EVA1A: variants seen among roughly 807,000 people sequenced by gnomAD.
EVA1A encodes protein eva-1 homolog A.
EVA1A carries 7 observed loss-of-function variants against 9.8 expected under a neutral mutation model. That is an observed-to-expected ratio of 0.71 (90% CI 0.41 to 1.34). EVA1A has a LOEUF of 1.34. Among genes scored for constraint, EVA1A ranks in the 40% most tolerant of loss-of-function variants. The probability of loss-of-function intolerance (pLI) is 0.01; values close to 1 mark genes in which losing one functional copy is unlikely to be tolerated. For missense variants in EVA1A, 206 were observed against 205.9 expected (o/e 1.00, Z 0.00); for synonymous variants, 90 against 85.6 (o/e 1.05, Z -0.28).
chr2:75,500,059 A>C (rs1558670532), intron 3 of EVA1A, among the ~76,000 whole-genome samples: 2 of 152,264 alleles, frequency 1.3e-5, no homozygotes, highest in East Asian at 3.9e-4. Context: ...CATTTCGCTA[A>C]AGTCAAACCC....
intron 1 of EVA1A, among the ~76,000 whole-genome samples, chr2:75,552,337 A>G (rs1572991632): frequency 6.6e-6 from 1 of 152,146 alleles, no homozygotes; most frequent in Non-Finnish European, 1.5e-5. Flanking sequence ...CATCCTTCCT[A>G]TAAATGCTGC....
intron 2 of EVA1A, among the ~76,000 whole-genome samples, chr2:75,521,944 T>C (rs185646871): frequency 6.6e-6 from 1 of 152,322 alleles, no homozygotes; most frequent in East Asian, 1.9e-4. Flanking sequence ...TTAATAAGAA[T>C]GATGGCAGAG....
intron 1 of EVA1A, among the ~76,000 whole-genome samples, chr2:75,560,435 AGGGGGGGC>A (rs913027985): frequency 2.6e-5 from 4 of 152,064 alleles, no homozygotes; most frequent in African/African-American, 9.7e-5. Context: ...AGAAAGAAGC[AGGGGGGGC>A]GAGAGAAGAA....
chr2:75,493,213 G>A lies in EVA1A; in HGVS notation c.*23C>T, dbSNP rs758660841. ...CTCTCCTTTCCAGGCGGCCTCCAGT[G>A]GTTTCCGGGGTCCTGCTGCTCCCTA... On this transcript the variant is annotated 3_prime_UTR_variant, in exon 4 of 4. Coordinates refer to ENST00000393913, the MANE Select transcript of EVA1A (RefSeq NM_001135032.2). The A allele has an allele frequency of 1.3e-6, 2 of 1,588,686 alleles. No individual in the cohort carries two copies. Among genetic ancestry groups the A allele is most frequent in the Admixed American group, 1.7e-5 (1 of 58,162 alleles).
At chr2:75,554,139 C>A (rs1676620198) in intron 1 of EVA1A, among the ~76,000 whole-genome samples, 1 of 152,150 alleles carries the variant, frequency 6.6e-6, no homozygotes, top group Non-Finnish European at 1.5e-5. Context: ...GAAACAAGAT[C>A]CCCTGAAGTC....
chr2:75,561,954 C>G (rs1676934303), upstream of EVA1A, among the ~76,000 whole-genome samples: 1 of 152,112 alleles, frequency 6.6e-6, no homozygotes, highest in Non-Finnish European at 1.5e-5. Flanking sequence ...GCTAGAGTAG[C>G]CAGTGACCAC....
chr2:75,536,724 A>G (rs1448681513), intron 1 of EVA1A, among the ~76,000 whole-genome samples: 1 of 152,200 alleles, frequency 6.6e-6, no homozygotes, highest in Non-Finnish European at 1.5e-5. Context: ...CAGTTCCTTG[A>G]AAAACACAAA....
intron 1 of EVA1A, among the ~76,000 whole-genome samples, chr2:75,537,852 T>G (rs1280032224): frequency 2.0e-5 from 3 of 152,212 alleles, no homozygotes; most frequent in African/African-American, 7.2e-5. Flanking sequence ...GAGTAAAAGC[T>G]TCCTGAGGCC....
In EVA1A at chr2:75,537,088, G is replaced by A. The variant is rs182362350; in HGVS notation, c.-191-14601C>T. ...ATATTAGCAAGTAGAATTCAGGAAC[G>A]TATAAAAAGGATTTTTTTTCGTAAT... is the stretch of plus-strand genomic sequence containing the variant. On this transcript the variant is annotated intron_variant, in intron 1 of 3. Transcript: ENST00000393913. Among the ~76,000 whole-genome samples, 20 of 152,190 alleles carry A rather than the reference G, an allele frequency of 1.3e-4. No homozygotes were observed. The East Asian group carries it at 2.9e-3, about 22-fold the overall frequency.
chr2:75,536,373 A>G (rs1320215554), intron 1 of EVA1A, among the ~76,000 whole-genome samples: 2 of 152,126 alleles, frequency 1.3e-5, no homozygotes, highest in Non-Finnish European at 2.9e-5. Flanking sequence ...CCCCAAATAA[A>G]ACAAAGCACA....
Position 75,493,228 on chromosome 2 carries a change from G to C in EVA1A, c.*8C>G, listed in dbSNP as rs747394471. On this transcript the variant is annotated 3_prime_UTR_variant, in exon 4 of 4. Transcript: ENST00000393913. ...GGCCTCCAGTGGTTTCCGGGGTCCT[G>C]CTGCTCCCTAATAGTAGCGATTCAG... The C allele has an allele frequency of 6.2e-7, 1 of 1,602,694 alleles. No individual in the cohort carries two copies. The highest frequency in any genetic ancestry group is 2.2e-5 in the East Asian group (1 of 44,764).
intron 3 of EVA1A, among the ~76,000 whole-genome samples, chr2:75,505,185 T>C (rs1674571569): frequency 6.6e-6 from 1 of 152,222 alleles, no homozygotes; most frequent in Non-Finnish European, 1.5e-5. Flanking sequence ...AAATTGACAC[T>C]GATGAGGTCA....
In EVA1A at chr2:75,493,392, G is replaced by T; in HGVS notation, c.303C>A (p.Arg101=). Residue 101 remains arginine (R), a synonymous_variant, in exon 4 of 4, where the codon CGC becomes CGA. Coordinates refer to ENST00000393913, the MANE Select transcript of EVA1A (RefSeq NM_001135032.2). ...TCTTGTTCAAAGTCCTCTCGAAGCG[G>T]CGGTGTCTCCGCACGGAGAGATCGG... ...TVSDLSVRRH[R]RFERTLNKNV... is the part of the protein sequence containing the mutation. 1.9e-6 allele frequency: 3 copies of T among 1,614,262 alleles called. No individual in the cohort carries two copies. The highest frequency in any genetic ancestry group is 8.5e-7 in the Non-Finnish European group (1 of 1,180,056).
At chr2:75,515,069 T>C (rs1339490052) in intron 3 of EVA1A, among the ~76,000 whole-genome samples, 2 of 152,238 alleles carry the variant, frequency 1.3e-5, no homozygotes, top group African/African-American at 4.8e-5. Flanking sequence ...GAATTTGAGC[T>C]GTTTATGTTT....
intron 1 of EVA1A, among the ~76,000 whole-genome samples, chr2:75,536,537 T>C (rs1675906239): frequency 6.6e-6 from 1 of 151,994 alleles, no homozygotes; most frequent in Admixed American, 6.6e-5. Flanking sequence ...AAAAAAAATC[T>C]ATAAAATTGG....
chr2:75,526,547 C>A (rs931421735), intron 1 of EVA1A, among the ~76,000 whole-genome samples: 1 of 152,182 alleles, frequency 6.6e-6, no homozygotes, highest in Non-Finnish European at 1.5e-5. Flanking sequence ...TGCCTAAGAT[C>A]ACCTAGCTAG....
intron 2 of EVA1A, among the ~76,000 whole-genome samples, chr2:75,521,227 T>C (rs78025713): frequency 0.016 from 2,411 of 152,256 alleles, 58 homozygotes; most frequent in African/African-American, 0.055. Flanking sequence ...CCTTGTGCAC[T>C]GTTGATGGGA....
upstream of EVA1A, among the ~76,000 whole-genome samples, chr2:75,564,224 A>G (rs1344479696): frequency 6.6e-6 from 1 of 152,228 alleles, no homozygotes; most frequent in Non-Finnish European, 1.5e-5. Flanking sequence ...TGGAACGCAC[A>G]GGCTGATACA....
At chr2:75,498,610 TTAAATC>T (rs746287410) in intron 3 of EVA1A, among the ~76,000 whole-genome samples, 8 of 152,254 alleles carry the variant, frequency 5.3e-5, no homozygotes, top group Non-Finnish European at 1.0e-4. Context: ...ATTAATTTTT[TTAAATC>T]TAGCAACACT....
Sources: gnomAD v4.1 joint callset for allele counts (sites outside exome capture counted in the v4.1 genomes callset) on GRCh38, gnomAD v4.1.1 for gene constraint, MANE v1.5 for transcripts, NCBI Gene and HGNC (gene_info 2026-07-23, HGNC 2026-07-21) for gene names.